Variants in STIL observed in about 807,000 individuals in gnomAD.
STIL encodes the protein SCL-interrupting locus protein.
Under a neutral mutation model 110.1 loss-of-function variants are expected in STIL, and 55 were observed. That is an observed-to-expected ratio of 0.50 (90% confidence interval 0.40 to 0.63). STIL has a LOEUF of 0.63. Among genes scored for constraint, STIL ranks in the 20% least tolerant of loss-of-function variants. The probability of loss-of-function intolerance (pLI) is 0.00; values close to 1 mark genes in which losing one functional copy is unlikely to be tolerated. For missense variants in STIL, 1,358 were observed against 1,530.0 expected (o/e 0.89, Z 1.87); for synonymous variants, 481 against 530.0 (o/e 0.91, Z 1.27).
At chr1:47,310,221 T>C in intron 2 of STIL, 55 bp downstream of exon 2, 12 of 1,553,380 alleles carry the variant, frequency 7.7e-6, no homozygotes, top group Non-Finnish European at 1.1e-5. Flanking sequence ...CCAACCTACC[T>C]TCCCAAGTTA....
chr1:47,305,245 C>T, intron 2 of STIL: 1 of 387,952 alleles, frequency 2.6e-6, no homozygotes, highest in Non-Finnish European at 4.7e-6. Flanking sequence ...CCTGCCTGAG[C>T]TTCCTGAGTA....
At chr1:47,290,378 TATAG>T (rs1375888306) in intron 8 of STIL, among the ~76,000 whole-genome samples, 2 of 152,030 alleles carry the variant, frequency 1.3e-5, no homozygotes, top group South Asian at 2.1e-4. Flanking sequence ...ACATTATATA[TATAG>T]AGAGAGAGCT....
intron 10 of STIL, among the ~76,000 whole-genome samples, chr1:47,286,822 G>A (rs1645314910): frequency 6.6e-6 from 1 of 152,186 alleles, no homozygotes; most frequent in Non-Finnish European, 1.5e-5. Flanking sequence ...CTGAGTGTGT[G>A]TAATGTCTTT....
chr1:47,312,209 G>A (rs1028411365), intron 1 of STIL, among the ~76,000 whole-genome samples: 1 of 152,060 alleles, frequency 6.6e-6, no homozygotes, highest in African/African-American at 2.4e-5. Flanking sequence ...AAATTGACTA[G>A]GCCGGACACG....
intron 16 of STIL, among the ~76,000 whole-genome samples, chr1:47,252,397 T>TA (rs1277871286): frequency 1.3e-5 from 2 of 150,424 alleles, no homozygotes; most frequent in African/African-American, 4.9e-5. Context: ...AAAGAAAAAA[T>TA]AAAGAAAAAA....
chr1:47,276,430 G>A (rs570394351), intron 12 of STIL, among the ~76,000 whole-genome samples: 2 of 151,774 alleles, frequency 1.3e-5, no homozygotes, highest in South Asian at 4.2e-4. Context: ...ATATATATAT[G>A]AATGATAAAG....
At chr1:47,292,210 G>A (rs375641913) in intron 8 of STIL, among the ~76,000 whole-genome samples, 17 of 151,860 alleles carry the variant, frequency 1.1e-4, no homozygotes, top group Middle Eastern at 3.4e-3. Flanking sequence ...CCAGTACTGT[G>A]AACATAATAG....
intron 14 of STIL, among the ~76,000 whole-genome samples, chr1:47,268,531 G>A (rs1464730624): frequency 6.6e-6 from 1 of 152,068 alleles, no homozygotes; most frequent in Non-Finnish European, 1.5e-5. Context: ...AAGGTGGGTG[G>A]ATCACCTGAG....
chr1:47,310,545 A>G lies in STIL; in HGVS notation c.-43-183T>C, dbSNP rs182218030. Among the ~76,000 whole-genome samples the G allele has an allele frequency of 4.4e-4, 67 of 152,344 alleles. 1 individual carries two copies. Among genetic ancestry groups the G allele is most frequent in the Admixed American group, 1.0e-3 (16 of 15,300 alleles). On this transcript the variant is annotated intron_variant, in intron 1 of 16. Coordinates refer to ENST00000371877, the MANE Select transcript of STIL (RefSeq NM_001048166.1). ...TTCATACGTTAGAGTCATTCTGCCA[A>G]TAAATTACTGTTAATATTTATTCTA...
chr1:47,307,754 T>C (rs1230126518), intron 2 of STIL, among the ~76,000 whole-genome samples: 1 of 152,244 alleles, frequency 6.6e-6, no homozygotes, highest in African/African-American at 2.4e-5. Flanking sequence ...CAGAGCCATA[T>C]TTCTCTTCTT....
chr1:47,268,938 A>G (rs1395372483), intron 14 of STIL, among the ~76,000 whole-genome samples: 1 of 151,862 alleles, frequency 6.6e-6, no homozygotes, highest in Non-Finnish European at 1.5e-5. Context: ...CTAAAAATAC[A>G]AACACGGAAT....
chr1:47,267,266 T>C (rs57573975), intron 14 of STIL, among the ~76,000 whole-genome samples: 10,493 of 152,268 alleles, frequency 0.069, 1,191 homozygotes, highest in African/African-American at 0.24. Flanking sequence ...TCTGAAACTA[T>C]GTTATTTGCT....
intron 1 of STIL, among the ~76,000 whole-genome samples, chr1:47,311,107 A>C (rs865786869): frequency 5.9e-5 from 9 of 152,112 alleles, no homozygotes; most frequent in Admixed American, 2.0e-4. Context: ...TGGCCTCCCA[A>C]AGTGCTAGGA....
chr1:47,289,811 A>T (rs567707816), intron 8 of STIL, among the ~76,000 whole-genome samples: 1 of 152,082 alleles, frequency 6.6e-6, no homozygotes, highest in East Asian at 1.9e-4. Flanking sequence ...CTCTCTACAA[A>T]ACAAAATTTT....
At chr1:47,309,914 T>G (rs1570306340) in intron 2 of STIL, among the ~76,000 whole-genome samples, 1 of 152,184 alleles carries the variant, frequency 6.6e-6, no homozygotes, top group Non-Finnish European at 1.5e-5. Flanking sequence ...ATTTTTAGCC[T>G]CCTAAGTTCA....
chr1:47,278,007 C>G (rs1194407779), intron 12 of STIL, among the ~76,000 whole-genome samples: 3 of 152,100 alleles, frequency 2.0e-5, no homozygotes, highest in African/African-American at 7.2e-5. Context: ...GGTACCACAG[C>G]CCACTCTCTT....
At chr1:47,298,656 A>AT (rs1214171548) in intron 6 of STIL, among the ~76,000 whole-genome samples, 1 of 152,198 alleles carries the variant, frequency 6.6e-6, no homozygotes, top group African/African-American at 2.4e-5. Context: ...CCTAAATAAA[A>AT]TACAAAGAAT....
At position 47,280,969 on chromosome 1, in the gene STIL, G is replaced by A. The variant is rs114151695; in HGVS notation, c.1489C>T (p.Pro497Ser). 26 of 1,613,976 alleles carry A rather than the reference G, an allele frequency of 1.6e-5. No homozygotes were observed. The highest frequency in any genetic ancestry group is 2.1e-5 in the Non-Finnish European group (25 of 1,179,988). ...ACTTTGCAGTGTCTCAAAAGAGCTG[G>A]TTTATCCTGGTTTAACTGATTTGGT... ...GIPNQLNQDK[P>S]ALLRHCKVRQ... The change falls in exon 12 of 17, where the codon CCA becomes TCA. Residue 497 changes from proline (P) to serine (S), a missense_variant. By Grantham distance (74) the Pro-to-Ser change is moderately conservative. Coordinates refer to ENST00000371877, the MANE Select transcript of STIL (RefSeq NM_001048166.1).
intron 13 of STIL, among the ~76,000 whole-genome samples, chr1:47,270,465 T>A (rs1418109884): frequency 1.3e-5 from 2 of 151,778 alleles, no homozygotes; most frequent in Non-Finnish European, 2.9e-5. Flanking sequence ...ATATTAAGAT[T>A]CTGAATATGA....
Sources: allele counts gnomAD v4.1 joint callset (sites outside exome capture counted in the v4.1 genomes callset), GRCh38; gene constraint gnomAD v4.1.1; transcripts MANE v1.5; gene names NCBI Gene and HGNC (gene_info 2026-07-23, HGNC 2026-07-21).